The following CTNNA3 variants were observed in gnomAD, a reference collection of about 807,000 sequenced individuals.
CTNNA3 encodes the protein catenin alpha-3.
CTNNA3 carries 76 observed loss-of-function variants against 95.7 expected under a neutral mutation model. That is an observed-to-expected ratio of 0.79 (90% CI 0.66 to 0.96). The LOEUF is 0.96. Ranked by LOEUF, CTNNA3 falls within the 40% of genes least tolerant of loss-of-function variation. The pLI is 0.00. For synonymous variants in CTNNA3, 431 were observed against 374.4 expected (o/e 1.15, Z -1.74); for missense variants, 1,191 against 1,089.8 (o/e 1.09, Z -1.31).
intron 7 of CTNNA3, among the ~76,000 whole-genome samples, chr10:67,088,996 T>C (rs894784344): frequency 1.3e-5 from 2 of 152,048 alleles, no homozygotes; most frequent in Non-Finnish European, 2.9e-5. Context: ...AGATAGAATA[T>C]ACATTGTATT....
At chr10:67,549,561 A>G (rs903117005) in intron 3 of CTNNA3, among the ~76,000 whole-genome samples, 1 of 152,232 alleles carries the variant, frequency 6.6e-6, no homozygotes, top group African/African-American at 2.4e-5. Flanking sequence ...GATTCTTAAC[A>G]AGTAAGAGGT....
At chr10:66,610,091 C>T (rs1313564828) in intron 10 of CTNNA3, among the ~76,000 whole-genome samples, 3 of 151,968 alleles carry the variant, frequency 2.0e-5, no homozygotes, top group African/African-American at 7.3e-5. Flanking sequence ...GACACTGGTG[C>T]CTGCTGAAGA....
chr10:66,661,553 T>A (rs1040466120), intron 9 of CTNNA3, among the ~76,000 whole-genome samples: 6 of 152,130 alleles, frequency 3.9e-5, no homozygotes, highest in African/African-American at 1.4e-4. Context: ...AATAATTTCA[T>A]AAGGCAGAAG....
intron 7 of CTNNA3, among the ~76,000 whole-genome samples, chr10:67,157,831 T>C (rs1861378416): frequency 1.3e-5 from 2 of 152,044 alleles, no homozygotes; most frequent in African/African-American, 4.8e-5. Context: ...TGATCATCTC[T>C]AGGTTCTAAA....
intron 5 of CTNNA3, among the ~76,000 whole-genome samples, chr10:67,480,464 G>A (rs996826946): frequency 6.6e-6 from 1 of 152,212 alleles, no homozygotes; most frequent in African/African-American, 2.4e-5. Flanking sequence ...ATGGCTTGAT[G>A]GCTATGATGC....
chr10:66,952,529 G>A (rs1191876837), intron 7 of CTNNA3, among the ~76,000 whole-genome samples: 1 of 151,910 alleles, frequency 6.6e-6, no homozygotes, highest in Non-Finnish European at 1.5e-5. Flanking sequence ...AATTAATTGT[G>A]TGTGTATTTA....
intron 16 of CTNNA3, among the ~76,000 whole-genome samples, chr10:65,968,499 G>T (rs1589191494): frequency 6.6e-6 from 1 of 152,336 alleles, no homozygotes. Context: ...TACCCAGGCA[G>T]ATCTCCAGGC....
At chr10:67,013,411 T>C (rs1214859764) in intron 7 of CTNNA3, among the ~76,000 whole-genome samples, 1 of 152,198 alleles carries the variant, frequency 6.6e-6, no homozygotes, top group Non-Finnish European at 1.5e-5. Context: ...CTTCAAACAA[T>C]CATTGTTATC....
chr10:66,686,474 A>AT (rs1473988953), intron 9 of CTNNA3, among the ~76,000 whole-genome samples: 2 of 151,948 alleles, frequency 1.3e-5, no homozygotes, highest in African/African-American at 4.8e-5. Context: ...AAAAATATAT[A>AT]TTTTTTCCCA....
intron 12 of CTNNA3, among the ~76,000 whole-genome samples, chr10:66,344,289 A>G (rs2092482532): frequency 6.6e-6 from 1 of 151,130 alleles, no homozygotes; most frequent in African/African-American, 2.4e-5. Flanking sequence ...TGTTTGAGAA[A>G]GAGTCTCGCT....
At chr10:67,206,619 A>G (rs2132227276) in intron 6 of CTNNA3, among the ~76,000 whole-genome samples, 1 of 151,762 alleles carries the variant, frequency 6.6e-6, no homozygotes, top group East Asian at 2.0e-4. Flanking sequence ...ATTAGCAAAA[A>G]CTCAACAAAA....
rs111581358 is a variant in CTNNA3 at position 67,214,710 on chromosome 10, G to T, written c.843+4897C>A. Among the ~76,000 whole-genome samples, 1,022 of 151,928 alleles carry T rather than the reference G, an allele frequency of 6.7e-3. 7 individuals carry two copies. The highest frequency in any genetic ancestry group is 0.018 in the South Asian group (89 of 4,812). On this transcript the variant is annotated intron_variant, in intron 6 of 17. Coordinates refer to ENST00000433211, the MANE Select transcript of CTNNA3 (RefSeq NM_013266.4). ...TTATCTTTTTTCTTGAAAAACAGCTGTATCATGTATTGAACTCAAGGTTAA... is the reference window on the plus strand; with the variant it reads ...TTATCTTTTTTCTTGAAAAACAGCTTTATCATGTATTGAACTCAAGGTTAA...
chr10:66,610,200 T>G (rs1419129665), intron 10 of CTNNA3, among the ~76,000 whole-genome samples: 1 of 152,046 alleles, frequency 6.6e-6, no homozygotes, highest in Non-Finnish European at 1.5e-5. Flanking sequence ...AGACTTCATG[T>G]GTATCTTTTG....
intron 7 of CTNNA3, chr10:67,015,416 TC>T (rs1852595813): frequency 6.6e-6 from 1 of 152,186 alleles, no homozygotes; most frequent in Non-Finnish European, 1.5e-5. Context: ...AGAATGTCTT[TC>T]TCTTGATACT....
chr10:67,097,819 G>A, intron 7 of CTNNA3: 7 of 1,605,604 alleles, frequency 4.4e-6, no homozygotes, highest in South Asian at 1.1e-5. Flanking sequence ...GTAGCCAGGG[G>A]TTGCTACCAA....
At chr10:66,044,976 AG>A (rs11334646) in intron 15 of CTNNA3, among the ~76,000 whole-genome samples, 28,799 of 152,128 alleles carry the variant, frequency 0.19, 3,079 homozygotes, top group Middle Eastern at 0.26. Context: ...TGACAATCTC[AG>A]GATTCAATAG....
At chr10:67,535,417 TA>T (rs1216729651) in intron 4 of CTNNA3, among the ~76,000 whole-genome samples, 2 of 151,980 alleles carry the variant, frequency 1.3e-5, no homozygotes, top group Non-Finnish European at 2.9e-5. Flanking sequence ...CAGGAATTAA[TA>T]AGATAAAGTT....
At chr10:66,131,378 G>C (rs183107348) in intron 13 of CTNNA3, among the ~76,000 whole-genome samples, 4 of 152,254 alleles carry the variant, frequency 2.6e-5, no homozygotes, top group African/African-American at 9.6e-5. Flanking sequence ...AATCAAGAAT[G>C]CTTTATTCCT....
chr10:67,061,523 G>A (rs1288619251), intron 7 of CTNNA3, among the ~76,000 whole-genome samples: 3 of 152,064 alleles, frequency 2.0e-5, no homozygotes, highest in Non-Finnish European at 2.9e-5. Flanking sequence ...CTGGAGTGGA[G>A]GCTGCACTTC....
Sources: gnomAD v4.1 joint callset for allele counts (sites outside exome capture counted in the v4.1 genomes callset) on GRCh38, gnomAD v4.1.1 for gene constraint, MANE v1.5 for transcripts, NCBI Gene and HGNC (gene_info 2026-07-23, HGNC 2026-07-21) for gene names.